Variants in MFSD6 observed in about 807,000 individuals in gnomAD.
MFSD6 encodes major facilitator superfamily domain containing 6.
In MFSD6, 26 loss-of-function variants were observed where a neutral mutation model predicts 56.3. That is an observed-to-expected ratio of 0.46 (90% CI 0.34 to 0.64). The LOEUF (loss-of-function observed/expected upper bound fraction) is 0.64, where lower values mean the gene tolerates loss of function less well. Among genes scored for constraint, MFSD6 ranks in the 30% least tolerant of loss-of-function variants. MFSD6 has a pLI of 0.01. For missense variants in MFSD6, 750 were observed against 986.2 expected (o/e 0.76, Z 3.21); for synonymous variants, 331 against 366.9 (o/e 0.90, Z 1.12).
intron 2 of MFSD6, among the ~76,000 whole-genome samples, chr2:190,421,196 T>C (rs531954536): frequency 3.3e-5 from 5 of 152,310 alleles, no homozygotes; most frequent in South Asian, 2.1e-4. Flanking sequence ...TTCAGGAAAT[T>C]ATGCCCATTA....
At chr2:190,452,719 T>A (rs1180136520) in intron 3 of MFSD6, among the ~76,000 whole-genome samples, 1 of 152,208 alleles carries the variant, frequency 6.6e-6, no homozygotes, top group Non-Finnish European at 1.5e-5. Context: ...CACCCTCCTA[T>A]GTCTCTTCCT....
In MFSD6 at chr2:190,437,012, G is replaced by A. The variant is rs761307773; in HGVS notation, c.983G>A (p.Arg328His). The change falls in exon 3 of 8, where the codon CGC becomes CAC. Residue 328 changes from arginine to histidine, a missense_variant. Physicochemically the swap from Arg to His is conservative, Grantham distance 29. Transcript: ENST00000392328. This position sits in a 1 kb window ranked among gnomAD's most constrained non-coding sequence, Gnocchi z 5.9. Reference sequence around the variant, plus strand: ...CACAGAGATCGCTATGGGTTGCAGCGCATGTGGGGCTCCCTGGGCTGGGGC... The same window carrying A: ...CACAGAGATCGCTATGGGTTGCAGCACATGTGGGGCTCCCTGGGCTGGGGC... The part of the protein sequence containing the change: ...GKHRDRYGLQ[R>H]MWGSLGWGLA... 10 of 1,614,078 alleles carry A rather than the reference G, an allele frequency of 6.2e-6. No homozygotes were observed. The highest frequency in any genetic ancestry group is 8.5e-6 in the Non-Finnish European group (10 of 1,180,034).
chr2:190,428,650 CTTGCTTATTTAT>C (rs781614292), intron 2 of MFSD6, among the ~76,000 whole-genome samples: 101 of 131,626 alleles, frequency 7.7e-4, no homozygotes, highest in South Asian at 2.7e-3. Context: ...TTTAGAGATG[CTTGCTTATTTAT>C]TTATTTATTT....
Position 190,497,926 on chromosome 2 carries a change from G to GC in MFSD6, c.2172+207_2172+208insC. The stretch of plus-strand genomic sequence containing the variant: ...CATAGAGAGAATATTCTGCCTTATG[G>GC]AGTTCAGGAAAACTTCAGAGGTTAT... On this transcript the variant is annotated intron_variant, in intron 7 of 7. Transcript: ENST00000392328. This position sits in a 1 kb window ranked among gnomAD's most constrained non-coding sequence, Gnocchi z 5.2. 1 of 486,746 alleles carries GC rather than the reference G, an allele frequency of 2.1e-6. No individual in the cohort carries two copies. The highest frequency in any genetic ancestry group is 3.5e-6 in the Non-Finnish European group (1 of 282,254). 30.2% of individuals were successfully genotyped at this position (486,746 alleles called of 1,614,324 possible).
chr2:190,500,206 G>C lies in MFSD6; in HGVS notation c.2364G>C (p.Ala788=). The stretch of plus-strand genomic sequence containing the variant: ...AAGAGCAGCAGGCTCAGCTGGCCGC[G>C]GGAGGACACTGAGGGCATCCTGCTC... ...ESEEQQAQLA[A]GGH Residue 788 remains alanine (A), a synonymous_variant, in exon 8 of 8, where the codon GCG becomes GCC. Transcript: ENST00000392328. The surrounding 1 kb of genome is among the most constrained non-coding windows in gnomAD (Gnocchi z 5.3). 1 of 1,614,118 alleles carries C rather than the reference G, an allele frequency of 6.2e-7. No homozygotes were observed. The highest frequency in any genetic ancestry group is 8.5e-7 in the Non-Finnish European group (1 of 1,180,022).
In MFSD6 at chr2:190,459,373, C is replaced by T. The variant is rs368050254; in HGVS notation, c.1533-10385C>T. On this transcript the variant is annotated intron_variant, in intron 3 of 7. Coordinates refer to ENST00000392328, the MANE Select transcript of MFSD6 (RefSeq NM_017694.4). This position sits in a 1 kb window ranked among gnomAD's most constrained non-coding sequence, Gnocchi z 5.3. Reference sequence around the variant, plus strand: ...ACTCTTGAGGCCTTTTTAAAATTAACGGCTATGCCAAATGTCAGTGATTCT... The same window carrying T: ...ACTCTTGAGGCCTTTTTAAAATTAATGGCTATGCCAAATGTCAGTGATTCT... Among the ~76,000 whole-genome samples the T allele has an allele frequency of 6.6e-6, 1 of 152,158 alleles. No homozygotes were observed. Among genetic ancestry groups the T allele is most frequent in the Non-Finnish European group, 1.5e-5 (1 of 68,022 alleles).
chr2:190,453,013 T>A (rs1036983280), intron 3 of MFSD6, among the ~76,000 whole-genome samples: 2 of 152,166 alleles, frequency 1.3e-5, no homozygotes, highest in Non-Finnish European at 2.9e-5. Context: ...AGGGTTGCAG[T>A]GTTGAATATG....
In MFSD6 at chr2:190,413,061, G is replaced by A. The variant is rs1013157298; in HGVS notation, c.-175-2231G>A. ...CTATAGTTACTGGTTGCTATGTTATGGCTTTAAAAAGAGCACACCCTCCCA... is the reference window on the plus strand; with the variant it reads ...CTATAGTTACTGGTTGCTATGTTATAGCTTTAAAAAGAGCACACCCTCCCA... On this transcript the variant is annotated intron_variant, in intron 1 of 7. Transcript: ENST00000392328. The surrounding 1 kb of genome is among the most constrained non-coding windows in gnomAD (Gnocchi z 4.1). 6.6e-6 allele frequency among the ~76,000 whole-genome samples: 1 copy of A among 152,094 alleles called. No individual in the cohort carries two copies. The highest frequency in any genetic ancestry group is 1.5e-5 in the Non-Finnish European group (1 of 68,034).
rs551196735 is a variant in MFSD6 at position 190,433,436 on chromosome 2, G to A, written c.-53-2541G>A. The A allele has an allele frequency of 1.3e-5, 2 of 152,274 alleles. No homozygotes were observed. Among genetic ancestry groups the A allele is most frequent in the Admixed American group, 1.3e-4 (2 of 15,304 alleles). 9.4% of individuals were successfully genotyped at this position (152,274 alleles called of 1,614,324 possible). A position where few individuals can be genotyped will look rare whatever the true frequency, so the allele number is the denominator to read the frequency against. ...AGTCATGTATAGCTAAGCAGCAAAA[G>A]ATTGGATTTTGCTTAACCTTCACAT... On this transcript the variant is annotated intron_variant, in intron 2 of 7. Transcript: ENST00000392328. The surrounding 1 kb of genome is among the most constrained non-coding windows in gnomAD (Gnocchi z 4.5).
chr2:190,478,507 A>C (rs562335054), intron 4 of MFSD6, among the ~76,000 whole-genome samples: 1 of 152,316 alleles, frequency 6.6e-6, no homozygotes, highest in South Asian at 2.1e-4. Flanking sequence ...TTGTTTTGCT[A>C]GTTTGGATTC....
chr2:190,469,672 G>A lies in MFSD6; in HGVS notation c.1533-86G>A, dbSNP rs1687799482. On this transcript the variant is annotated intron_variant, in intron 3 of 7. Coordinates refer to ENST00000392328, the MANE Select transcript of MFSD6 (RefSeq NM_017694.4). This position sits in a 1 kb window ranked among gnomAD's most constrained non-coding sequence, Gnocchi z 5.3. ...AAGGTAGGTAATATTTGCATGTTTT[G>A]TACACATATTAGATTGTATATTAGG... 1 of 721,116 alleles carries A rather than the reference G, an allele frequency of 1.4e-6. No individual in the cohort carries two copies. Among genetic ancestry groups the A allele is most frequent in the Non-Finnish European group, 2.0e-6 (1 of 510,984 alleles). 44.7% of individuals were successfully genotyped at this position (721,116 alleles called of 1,614,324 possible). A position where few individuals can be genotyped will look rare whatever the true frequency, so the allele number is the denominator to read the frequency against.
rs527360813 is a variant in MFSD6 at position 190,417,620 on chromosome 2, C to T, written c.-54+2207C>T. Among the ~76,000 whole-genome samples, 30 of 152,034 alleles carry T rather than the reference C, an allele frequency of 2.0e-4. No individual in the cohort carries two copies. The highest frequency in any genetic ancestry group is 4.8e-4 in the African/African-American group (20 of 41,472). On this transcript the variant is annotated intron_variant, in intron 2 of 7. Coordinates refer to ENST00000392328, the MANE Select transcript of MFSD6 (RefSeq NM_017694.4). The surrounding 1 kb of genome is among the most constrained non-coding windows in gnomAD (Gnocchi z 5.7). ...AATTCCATTGTATTTTGTGTTCTGT[C>T]GTCCCTCAGCCTGGTATTCAAGGCC...
At chr2:190,430,628 A>T (rs965557814) in intron 2 of MFSD6, among the ~76,000 whole-genome samples, 1 of 151,964 alleles carries the variant, frequency 6.6e-6, no homozygotes, top group Non-Finnish European at 1.5e-5. Flanking sequence ...CACAGCAACC[A>T]TCCGATTTCT....
intron 1 of MFSD6, among the ~76,000 whole-genome samples, chr2:190,409,367 A>G (rs977529677): frequency 4.6e-5 from 7 of 152,084 alleles, no homozygotes; most frequent in Non-Finnish European, 8.8e-5. Flanking sequence ...TTTTCATCCC[A>G]AAAAGATTGA....
At position 190,495,863 on chromosome 2, in the gene MFSD6, AAT is replaced by A. The variant is rs1689643810; in HGVS notation, c.1892-1575_1892-1574del. On this transcript the variant is annotated intron_variant, in intron 6 of 7. Coordinates refer to ENST00000392328, the MANE Select transcript of MFSD6 (RefSeq NM_017694.4). The surrounding 1 kb of genome is among the most constrained non-coding windows in gnomAD (Gnocchi z 4.7). ...CAACTCAAGATGGATCAAGGACTTAAATCTAAGACCTGAAACTTAAAATTCTA... is the reference window on the plus strand; with the variant it reads ...CAACTCAAGATGGATCAAGGACTTAACTAAGACCTGAAACTTAAAATTCTA... Among the ~76,000 whole-genome samples, 2 of 152,220 alleles carry A rather than the reference AAT, an allele frequency of 1.3e-5. No individual in the cohort carries two copies. Among genetic ancestry groups the A allele is most frequent in the African/African-American group, 2.4e-5 (1 of 41,462 alleles).
At chr2:190,453,358 C>A (rs1686853053) in intron 3 of MFSD6, among the ~76,000 whole-genome samples, 1 of 152,072 alleles carries the variant, frequency 6.6e-6, no homozygotes, top group South Asian at 2.1e-4. Flanking sequence ...GGAGGATGCC[C>A]ATTGGAAAGT....
At chr2:190,448,613 A>T (rs1040930234) in intron 3 of MFSD6, among the ~76,000 whole-genome samples, 4 of 152,246 alleles carry the variant, frequency 2.6e-5, no homozygotes, top group Non-Finnish European at 5.9e-5. Flanking sequence ...GATAAATTTT[A>T]AAAGTTTAGC....
rs772516171 is a variant in MFSD6 at position 190,465,004 on chromosome 2, G to A, written c.1533-4754G>A. The A allele has an allele frequency of 1.0e-4, 71 of 687,396 alleles. No homozygotes were observed. Among genetic ancestry groups the A allele is most frequent in the Non-Finnish European group, 1.2e-4 (69 of 556,904 alleles). The allele number at this position is 687,396 out of a possible 1,614,324, so 42.6% of individuals were successfully genotyped here. A position where few individuals can be genotyped will look rare whatever the true frequency, so the allele number is the denominator to read the frequency against. On this transcript the variant is annotated intron_variant, in intron 3 of 7. Coordinates refer to ENST00000392328, the MANE Select transcript of MFSD6 (RefSeq NM_017694.4). This position sits in a 1 kb window ranked among gnomAD's most constrained non-coding sequence, Gnocchi z 4.6. The stretch of plus-strand genomic sequence containing the variant: ...ACTACACTGTTAGGAATTACAGAAT[G>A]ACTCATAATTCATTGTATCTATATC...
rs1022579338 is a variant in MFSD6, at chr2:190,424,199, C to G, written c.-54+8786C>G. 3.3e-5 allele frequency among the ~76,000 whole-genome samples: 5 copies of G among 150,340 alleles called. No homozygotes were observed. Among genetic ancestry groups the G allele is most frequent in the Non-Finnish European group, 7.4e-5 (5 of 67,844 alleles). ...ATGGTATCGGTGTCAAGTCTAAAAACTCTGCCTAGCACTAGAGGCTAAAGA... is the reference window on the plus strand; with the variant it reads ...ATGGTATCGGTGTCAAGTCTAAAAAGTCTGCCTAGCACTAGAGGCTAAAGA... On this transcript the variant is annotated intron_variant, in intron 2 of 7. Coordinates refer to ENST00000392328, the MANE Select transcript of MFSD6 (RefSeq NM_017694.4). The surrounding 1 kb of genome is among the most constrained non-coding windows in gnomAD (Gnocchi z 5.9).
Sources: allele counts gnomAD v4.1 joint callset (sites outside exome capture counted in the v4.1 genomes callset), GRCh38; gene constraint gnomAD v4.1.1; non-coding constraint Gnocchi (gnomAD v3.1); transcripts MANE v1.5; gene names NCBI Gene and HGNC (gene_info 2026-07-23, HGNC 2026-07-21).